The following SGCD variants were observed in gnomAD, a reference collection of about 807,000 sequenced individuals.
SGCD encodes the protein delta-sarcoglycan.
SGCD carries 18 observed loss-of-function variants against 36.6 expected under a neutral mutation model. The ratio of observed to expected loss-of-function variants is 0.49; its 90% CI spans 0.34 to 0.73. SGCD has a LOEUF of 0.73. SGCD is among the 30% of genes least tolerant of loss of function. SGCD has a pLI of 0.01. For missense variants in SGCD, 387 were observed against 346.7 expected (o/e 1.12, Z -0.92); for synonymous variants, 133 against 130.6 (o/e 1.02, Z -0.12).
At chr5:156,181,471 T>G (rs1763605030) in intron 3 of SGCD, among the ~76,000 whole-genome samples, 1 of 152,146 alleles carries the variant, frequency 6.6e-6, no homozygotes, top group African/African-American at 2.4e-5. Flanking sequence ...ATTATTAAAC[T>G]AAGGAGAAGG....
chr5:155,859,376 C>T, the SGCD span, among the ~76,000 whole-genome samples: 2 of 151,972 alleles, frequency 1.3e-5, no homozygotes, highest in African/African-American at 4.8e-5. Context: ...TCATATCAGG[C>T]TTTCTTGAGG....
intron 1 of SGCD, among the ~76,000 whole-genome samples, chr5:156,033,096 A>T (rs111830609): frequency 6.7e-6 from 1 of 148,436 alleles, no homozygotes; most frequent in African/African-American, 2.5e-5. Context: ...AAAATTAAAA[A>T]TAGAATACTT....
At chr5:156,189,710 A>G (rs563438562) in intron 3 of SGCD, among the ~76,000 whole-genome samples, 1 of 152,334 alleles carries the variant, frequency 6.6e-6, no homozygotes, top group East Asian at 1.9e-4. Context: ...GACGTAAAGC[A>G]TTGAACTTTC....
chr5:156,449,065 A>G (rs1236389248), intron 3 of SGCD, among the ~76,000 whole-genome samples: 1 of 152,064 alleles, frequency 6.6e-6, no homozygotes, highest in East Asian at 1.9e-4. Flanking sequence ...AATGTGGAAG[A>G]GGTTTCAAGT....
intron 5 of SGCD, among the ~76,000 whole-genome samples, chr5:156,592,352 G>A (rs1157588711): frequency 6.6e-6 from 1 of 152,036 alleles, no homozygotes; most frequent in Non-Finnish European, 1.5e-5. Flanking sequence ...CAAAAATAAA[G>A]TAATAACCCT....
intron 6 of SGCD, among the ~76,000 whole-genome samples, chr5:156,604,422 C>T (rs917034883): frequency 6.6e-6 from 1 of 151,832 alleles, no homozygotes; most frequent in African/African-American, 2.4e-5. Flanking sequence ...CTTACTCCTC[C>T]TCTTTTTTAC....
chr5:156,754,194 G>A (rs563356880), intron 7 of SGCD, among the ~76,000 whole-genome samples: 1 of 152,328 alleles, frequency 6.6e-6, no homozygotes, highest in East Asian at 1.9e-4. Flanking sequence ...GGCCTAGGCA[G>A]TGGGCAAGAA....
chr5:156,444,090 CT>C (rs1753633305), intron 3 of SGCD, among the ~76,000 whole-genome samples: 1 of 116,348 alleles, frequency 8.6e-6, no homozygotes, highest in African/African-American at 3.9e-5. Context: ...CTCTCTCTCT[CT>C]CTCTCTCTCT....
At chr5:156,564,625 G>A (rs11135274) in intron 4 of SGCD, among the ~76,000 whole-genome samples, 66,932 of 151,714 alleles carry the variant, frequency 0.44, 15,099 homozygotes, top group Non-Finnish European at 0.5. Flanking sequence ...CAAACTCTGT[G>A]CCCATTAAAA....
chr5:156,527,657 C>G (rs1359692660), intron 4 of SGCD, among the ~76,000 whole-genome samples: 1 of 152,156 alleles, frequency 6.6e-6, no homozygotes, highest in African/African-American at 2.4e-5. Context: ...TGGATATAAT[C>G]AATGGTTTTC....
chr5:156,641,193 G>A (rs1440211294), intron 6 of SGCD, among the ~76,000 whole-genome samples: 1 of 152,202 alleles, frequency 6.6e-6, no homozygotes, highest in Non-Finnish European at 1.5e-5. Context: ...CCTGTGGTTA[G>A]TTGTCCCATA....
At chr5:156,334,609 C>CTTTTTTTTTTTT (rs35767339) in intron 2 of SGCD, among the ~76,000 whole-genome samples, 59 of 105,078 alleles carry the variant, frequency 5.6e-4, no homozygotes, top group Non-Finnish European at 7.2e-4. Context: ...GGTCTATTTT[C>CTTTTTTTTTTTT]TTTTTTTTTT....
At chr5:156,241,605 C>A (rs1765310059) in intron 3 of SGCD, among the ~76,000 whole-genome samples, 1 of 152,132 alleles carries the variant, frequency 6.6e-6, no homozygotes, top group African/African-American at 2.4e-5. Context: ...TCTTCCATTT[C>A]TTTTTCTTTT....
chr5:156,532,320 T>C (rs534639501), intron 4 of SGCD, among the ~76,000 whole-genome samples: 25 of 152,280 alleles, frequency 1.6e-4, no homozygotes, highest in African/African-American at 5.5e-4. Flanking sequence ...CTACTAGATG[T>C]GAAAGTACTT....
At chr5:155,894,974 A>C (rs1756215567) in intron 1 of SGCD, among the ~76,000 whole-genome samples, 1 of 152,158 alleles carries the variant, frequency 6.6e-6, no homozygotes, top group Non-Finnish European at 1.5e-5. Context: ...CCCTGATGCC[A>C]AAAAGGTTGA....
the SGCD span, among the ~76,000 whole-genome samples, chr5:155,739,286 T>G: frequency 1.3e-5 from 2 of 152,166 alleles, no homozygotes; most frequent in Non-Finnish European, 2.9e-5. Context: ...AAGTATCTGC[T>G]AAAAGATCTT....
chr5:156,640,424 C>T (rs1321189122), intron 6 of SGCD, among the ~76,000 whole-genome samples: 1 of 128,700 alleles, frequency 7.8e-6, no homozygotes, highest in Non-Finnish European at 1.9e-5. Flanking sequence ...GCATGATTTA[C>T]AATATCTGTT....
intron 4 of SGCD, among the ~76,000 whole-genome samples, chr5:156,538,962 G>A (rs1758237671): frequency 6.6e-6 from 1 of 152,130 alleles, no homozygotes; most frequent in Non-Finnish European, 1.5e-5. Context: ...GAAGGGATGT[G>A]TGCATTGTGG....
At chr5:156,613,437 C>T (rs1280359718) in intron 6 of SGCD, among the ~76,000 whole-genome samples, 1 of 152,228 alleles carries the variant, frequency 6.6e-6, no homozygotes, top group African/African-American at 2.4e-5. Flanking sequence ...GGAAGTATTA[C>T]ACAGCCCTTT....
Sources: gnomAD v4.1 joint callset for allele counts (sites outside exome capture counted in the v4.1 genomes callset) on GRCh38, gnomAD v4.1.1 for gene constraint, MANE v1.5 for transcripts, NCBI Gene and HGNC (gene_info 2026-07-23, HGNC 2026-07-21) for gene names.